YWHAE: variants seen among roughly 807,000 people sequenced by gnomAD.
The protein encoded by YWHAE is tyrosine 3-monooxygenase/tryptophan 5-monooxygenase activation protein epsilon.
A neutral mutation model predicts 30.1 loss-of-function variants in YWHAE; 4 were observed. That is an observed-to-expected ratio of 0.13 (90% CI 0.07 to 0.30). The LOEUF (loss-of-function observed/expected upper bound fraction) is 0.30, where lower values mean the gene tolerates loss of function less well. Among genes scored for constraint, YWHAE ranks in the 10% least tolerant of loss-of-function variants. The probability of loss-of-function intolerance (pLI) is 1.00; values close to 1 mark genes in which losing one functional copy is unlikely to be tolerated. For missense variants in YWHAE, 121 were observed against 315.9 expected, an observed-to-expected ratio of 0.38 and a Z score of 4.68; for synonymous variants, 118 against 111.8, an observed-to-expected ratio of 1.06 and a Z score of -0.35.
At chr17:1,348,987 C>G (rs1390440519) in intron 5 of YWHAE, among the ~76,000 whole-genome samples, 1 of 151,218 alleles carries the variant, frequency 6.6e-6, no homozygotes, top group African/African-American at 2.4e-5. Context: ...GATAGCACCA[C>G]TGCACTCCAG....
chr17:1,373,382 AGGCCG>A (rs1235173073), intron 1 of YWHAE, among the ~76,000 whole-genome samples: 3 of 151,974 alleles, frequency 2.0e-5, no homozygotes, highest in African/African-American at 4.8e-5. Flanking sequence ...GAAAAGTTTG[AGGCCG>A]GGCGAGGTGG....
intron 1 of YWHAE, among the ~76,000 whole-genome samples, chr17:1,388,591 T>A (rs1372626549): frequency 1.6e-5 from 2 of 128,980 alleles, no homozygotes; most frequent in Non-Finnish European, 1.6e-5. Context: ...TTTTTTTTTT[T>A]AATAGAAACG....
In YWHAE at chr17:1,390,814, T is replaced by C. The variant is rs150102361; in HGVS notation, c.64+9233A>G. ...ACAAATCAAGCCCACCAACAACAGA[T>C]CCGTCCAGCTACTATGGTAGATTGT... On this transcript the variant is annotated intron_variant, in intron 1 of 5. Transcript: ENST00000264335. 2.0e-4 allele frequency among the ~76,000 whole-genome samples: 30 copies of C among 152,248 alleles called. 1 individual carries two copies. Among genetic ancestry groups the C allele is most frequent in the Middle Eastern group, 3.4e-3 (1 of 294 alleles).
At chr17:1,396,701 C>T (rs1174864107) in intron 1 of YWHAE, among the ~76,000 whole-genome samples, 1 of 152,158 alleles carries the variant, frequency 6.6e-6, no homozygotes, top group Non-Finnish European at 1.5e-5. Flanking sequence ...TCTCGGCTCA[C>T]CGCAACCTCG....
rs71148473 is a variant in YWHAE, at chr17:1,356,171, AACACAC to A, written c.579-1830_579-1825del. 7.8e-3 allele frequency among the ~76,000 whole-genome samples: 1,123 copies of A among 143,068 alleles called. 12 individuals are homozygous for A. The highest frequency in any genetic ancestry group is 0.021 in the African/African-American group (838 of 39,184). 93.9% of individuals were successfully genotyped at this position (143,068 alleles called of 152,430 possible). A position where few individuals can be genotyped will look rare whatever the true frequency, so the allele number is the denominator to read the frequency against. ...GCAACAGAGCAAGACTCCGTCTAAAAACACACACACACACACACACACACACACACA... is the reference window on the plus strand; with the variant it reads ...GCAACAGAGCAAGACTCCGTCTAAAAACACACACACACACACACACACACA... On this transcript the variant is annotated intron_variant, in intron 4 of 5. Coordinates refer to ENST00000264335, the MANE Select transcript of YWHAE (RefSeq NM_006761.5).
At chr17:1,363,253 CTTTAT>C (rs2072890821) in intron 2 of YWHAE, among the ~76,000 whole-genome samples, 1 of 152,022 alleles carries the variant, frequency 6.6e-6, no homozygotes, top group Non-Finnish European at 1.5e-5. Context: ...CATCTGGACT[CTTTAT>C]TTTTTACTTT....
At chr17:1,346,277 T>G (rs1370264878) in intron 5 of YWHAE, among the ~76,000 whole-genome samples, 1 of 152,184 alleles carries the variant, frequency 6.6e-6, no homozygotes, top group Non-Finnish European at 1.5e-5. Flanking sequence ...TCAGCCAAAA[T>G]AAAGAAGCAT....
intron 1 of YWHAE, among the ~76,000 whole-genome samples, chr17:1,394,460 A>AACC (rs1555647413): frequency 5.1e-4 from 70 of 137,584 alleles, no homozygotes; most frequent in African/African-American, 2.0e-3. Flanking sequence ...AAAAAAAAAA[A>AACC]ACACAAAAAT....
At chr17:1,383,148 C>T (rs908315838) in intron 1 of YWHAE, among the ~76,000 whole-genome samples, 13 of 151,708 alleles carry the variant, frequency 8.6e-5, no homozygotes, top group Non-Finnish European at 1.3e-4. Flanking sequence ...GTCGAGAGTT[C>T]GAGACCAGCC....
At chr17:1,362,729 C>T (rs12953246) in intron 2 of YWHAE, among the ~76,000 whole-genome samples, 5,623 of 152,042 alleles carry the variant, frequency 0.037, 125 homozygotes, top group East Asian at 0.056. Flanking sequence ...GGGTCCTCTC[C>T]GTGCCCCTGG....
intron 1 of YWHAE, among the ~76,000 whole-genome samples, chr17:1,369,187 A>G (rs2150857528): frequency 6.6e-6 from 1 of 152,232 alleles, no homozygotes; most frequent in East Asian, 1.9e-4. Flanking sequence ...TAATTCCCCT[A>G]CCTAACAATT....
At chr17:1,353,437 C>A (rs1488025483) in intron 5 of YWHAE, among the ~76,000 whole-genome samples, 69 of 87,860 alleles carry the variant, frequency 7.9e-4, no homozygotes, top group African/African-American at 1.3e-3. Context: ...GACTCCATCT[C>A]AAAAAAAAAA....
chr17:1,345,699 G>C (rs969273345), intron 5 of YWHAE, among the ~76,000 whole-genome samples, 200 bp from the exon 6 acceptor site: 1 of 151,976 alleles, frequency 6.6e-6, no homozygotes, highest in Admixed American at 6.6e-5. Context: ...AGTATTTATT[G>C]GTCAACAGAA....
intron 1 of YWHAE, among the ~76,000 whole-genome samples, chr17:1,372,335 C>T (rs1178708494): frequency 6.6e-6 from 1 of 152,190 alleles, no homozygotes. Flanking sequence ...CTATTCAGAC[C>T]ACCAAAACTT....
chr17:1,364,135 C>A (rs2072906682), intron 2 of YWHAE, among the ~76,000 whole-genome samples: 1 of 151,688 alleles, frequency 6.6e-6, no homozygotes, highest in Non-Finnish European at 1.5e-5. Flanking sequence ...TATGTATATA[C>A]ACCCACAGTA....
At chr17:1,390,957 T>A (rs1248802658) in intron 1 of YWHAE, among the ~76,000 whole-genome samples, 1 of 152,214 alleles carries the variant, frequency 6.6e-6, no homozygotes, top group Non-Finnish European at 1.5e-5. Flanking sequence ...AAGATATGGG[T>A]GAGCCTTTAA....
At chr17:1,392,054 G>A (rs1730160706) in intron 1 of YWHAE, among the ~76,000 whole-genome samples, 1 of 152,018 alleles carries the variant, frequency 6.6e-6, no homozygotes, top group Non-Finnish European at 1.5e-5. Flanking sequence ...ACAAAAATTA[G>A]CCAGAAGTGG....
At chr17:1,384,903 G>GTT (rs1567981016) in intron 1 of YWHAE, among the ~76,000 whole-genome samples, 1 of 151,950 alleles carries the variant, frequency 6.6e-6, no homozygotes, top group Admixed American at 6.6e-5. Context: ...GTAGAGACGG[G>GTT]TTTCTCCATG....
intron 1 of YWHAE, among the ~76,000 whole-genome samples, chr17:1,380,045 G>C (rs1321621101): frequency 6.6e-6 from 1 of 151,290 alleles, no homozygotes; most frequent in Non-Finnish European, 1.5e-5. Flanking sequence ...AACAGCACAG[G>C]AAAGTCCCAC....
Sources: allele counts gnomAD v4.1 joint callset (sites outside exome capture counted in the v4.1 genomes callset), GRCh38; gene constraint gnomAD v4.1.1; transcripts MANE v1.5; gene names NCBI Gene and HGNC (gene_info 2026-07-23, HGNC 2026-07-21).